The following PREPL variants were observed in gnomAD, a reference collection of about 807,000 sequenced individuals.
PREPL encodes the protein prolyl endopeptidase like, also known as prolyl endopeptidase-like.
A neutral mutation model predicts 70.6 loss-of-function variants in PREPL; 77 were observed. The observed-to-expected ratio is 1.09, with a 90% CI of 0.91 to 1.32. PREPL has a LOEUF of 1.32. Among genes scored for constraint, PREPL ranks in the 40% most tolerant of loss-of-function variants. PREPL has a pLI of 0.00. For missense variants in PREPL, 1,002 were observed against 778.2 expected, an observed-to-expected ratio of 1.29 and a Z score of -3.42; for synonymous variants, 315 against 264.8, an observed-to-expected ratio of 1.19 and a Z score of -1.84.
chr2:44,353,239 G>A (rs939242377), intron 1 of PREPL, among the ~76,000 whole-genome samples: 1 of 151,966 alleles, frequency 6.6e-6, no homozygotes, highest in Non-Finnish European at 1.5e-5. Context: ...AGGCTCTGTG[G>A]CTTTAGTTTC....
chr2:44,322,362 G>A (rs1673058408), intron 12 of PREPL, among the ~76,000 whole-genome samples: 1 of 152,124 alleles, frequency 6.6e-6, no homozygotes, highest in Admixed American at 6.6e-5. Flanking sequence ...GGCACTGATG[G>A]CCCAAAACAA....
At chr2:44,342,276 C>A in intron 5 of PREPL, 141 bp downstream of exon 5, 1 of 686,100 alleles carries the variant, frequency 1.5e-6, no homozygotes, top group East Asian at 2.8e-5. Context: ...TGAATACAAA[C>A]AACTAATAAA....
chr2:44,325,323 C>G (rs1178985599), intron 10 of PREPL, among the ~76,000 whole-genome samples: 2 of 152,202 alleles, frequency 1.3e-5, no homozygotes, highest in African/African-American at 4.8e-5. Flanking sequence ...ATATCCAGCT[C>G]TAGAAGTTGC....
In PREPL at chr2:44,319,320, A is replaced by G. The variant is rs1414762850; in HGVS notation, c.*2036T>C. 2 of 152,658 alleles carry G rather than the reference A, an allele frequency of 1.3e-5. No homozygotes were observed. Among genetic ancestry groups the G allele is most frequent in the African/African-American group, 4.8e-5 (2 of 41,472 alleles). The allele number at this position is 152,658 out of a possible 1,614,324, so 9.5% of individuals were successfully genotyped here. ...TATGAAGAATAATTTGGCATTATGT[A>G]TCAAGTGCCCATACTCTTTGACAAA... On this transcript the variant is annotated 3_prime_UTR_variant, in exon 14 of 14. Transcript: ENST00000409411.
At chr2:44,327,446 C>T (rs778435278) in intron 9 of PREPL, among the ~76,000 whole-genome samples, 2 of 152,058 alleles carry the variant, frequency 1.3e-5, no homozygotes, top group Non-Finnish European at 2.9e-5. Flanking sequence ...GGAGATGATG[C>T]CTAAACTGAG....
In PREPL at chr2:44,332,497, T is replaced by C; in HGVS notation, c.1048A>G (p.Lys350Glu). ...EETGHEDPIT[K>E]TSRVLRLEAK... ...TCTAGACGTAAAACGCGACTAGTCT[T>C]TGTGATTGGGTCTTCATGCCCAGTT... The change falls in exon 8 of 14, where the codon AAG becomes GAG. Residue 350 changes from lysine (K) to glutamate (E), a missense_variant. Coordinates refer to ENST00000409411, the MANE Select transcript of PREPL (RefSeq NM_001171613.2). 3.1e-6 allele frequency: 5 copies of C among 1,614,088 alleles called. No homozygotes were observed. Among genetic ancestry groups the C allele is most frequent in the Non-Finnish European group, 4.2e-6 (5 of 1,179,994 alleles).
chr2:44,353,155 TA>T (rs1676630881), intron 1 of PREPL, among the ~76,000 whole-genome samples: 1 of 152,140 alleles, frequency 6.6e-6, no homozygotes, highest in South Asian at 2.1e-4. Flanking sequence ...TACAAGATAT[TA>T]AAAAAGAAAG....
chr2:44,336,214 G>A (rs1462546316), intron 7 of PREPL, among the ~76,000 whole-genome samples: 1 of 152,104 alleles, frequency 6.6e-6, no homozygotes, highest in Non-Finnish European at 1.5e-5. Flanking sequence ...ATAACCAAAG[G>A]AATACAAATC....
At chr2:44,321,736 T>G in intron 13 of PREPL, 91 bp downstream of exon 13, 1 of 1,608,982 alleles carries the variant, frequency 6.2e-7, no homozygotes, top group Non-Finnish European at 8.5e-7. Flanking sequence ...TGAAGTGGCT[T>G]TGTCATAAAC....
intron 6 of PREPL, 91 bp downstream of exon 6, chr2:44,339,056 A>G (rs1225898972): frequency 2.0e-6 from 3 of 1,531,332 alleles, no homozygotes; most frequent in Non-Finnish European, 2.6e-6. Flanking sequence ...TCAATTTATA[A>G]AACAATGAGC....
chr2:44,355,671 T>C (rs934388073), intron 1 of PREPL, among the ~76,000 whole-genome samples: 1 of 151,898 alleles, frequency 6.6e-6, no homozygotes, highest in African/African-American at 2.4e-5. Flanking sequence ...CAAATCTGAT[T>C]GCGCCTACAT....
intron 8 of PREPL, 54 bp from the exon 9 acceptor site, chr2:44,329,166 T>C (rs1242530911): frequency 7.1e-7 from 1 of 1,408,030 alleles, no homozygotes; most frequent in Non-Finnish European, 9.8e-7. Context: ...TAATAACTGT[T>C]TTATCCCAAT....
rs566111117 is a variant in PREPL at position 44,333,811 on chromosome 2, A to C, written c.889-1155T>G. On this transcript the variant is annotated intron_variant, in intron 7 of 13. Transcript: ENST00000409411. The stretch of plus-strand genomic sequence containing the variant: ...TGAGAAATCTGGTAGCATAGTTATA[A>C]GCAAGCAAACTGAGACTTGAGAGGG... Among the ~76,000 whole-genome samples the C allele has an allele frequency of 2.2e-4, 33 of 152,206 alleles. 1 individual carries two copies. Among genetic ancestry groups the C allele is most frequent in the Non-Finnish European group, 4.1e-4 (28 of 68,032 alleles).
At position 44,321,187 on chromosome 2, in the gene PREPL, G is replaced by T. The variant is rs1037318150; in HGVS notation, c.*169C>A. On this transcript the variant is annotated 3_prime_UTR_variant, in exon 14 of 14. Coordinates refer to ENST00000409411, the MANE Select transcript of PREPL (RefSeq NM_001171613.2). ...GGCATGTGCATCAATGGAGAGAATA[G>T]TATAAGCAAGTGAGATGTAGACTAA... The T allele has an allele frequency of 4.8e-6, 3 of 621,776 alleles. No homozygotes were observed. Among genetic ancestry groups the T allele is most frequent in the Non-Finnish European group, 8.6e-6 (3 of 350,840 alleles). 38.5% of individuals were successfully genotyped at this position (621,776 alleles called of 1,614,324 possible). A position where few individuals can be genotyped will look rare whatever the true frequency, so the allele number is the denominator to read the frequency against.
At chr2:44,343,715 C>T in intron 4 of PREPL, 30 bp downstream of exon 4, 1 of 1,579,374 alleles carries the variant, frequency 6.3e-7, no homozygotes, top group South Asian at 1.1e-5. Flanking sequence ...TGCCTTTCAA[C>T]ACAGAGGACT....
intron 1 of PREPL, among the ~76,000 whole-genome samples, chr2:44,358,742 G>GT (rs1239173897): frequency 6.6e-6 from 1 of 152,178 alleles, no homozygotes; most frequent in East Asian, 1.9e-4. Flanking sequence ...ACAGCTTGGG[G>GT]TCTGGCAGAA....
chr2:44,325,078 T>C (rs1208470308), intron 10 of PREPL, among the ~76,000 whole-genome samples: 1 of 152,288 alleles, frequency 6.6e-6, no homozygotes, highest in East Asian at 1.9e-4. Context: ...ATATGAACTT[T>C]TTTGCATTTG....
At chr2:44,349,301 G>A (rs1676154231) in intron 1 of PREPL, among the ~76,000 whole-genome samples, 2 of 152,128 alleles carry the variant, frequency 1.3e-5, no homozygotes, top group Admixed American at 6.6e-5. Context: ...TACATGGTAG[G>A]TTTGGGAAAT....
At position 44,343,769 on chromosome 2, in the gene PREPL, A is replaced by C; in HGVS notation, c.325T>G (p.Ser109Ala). The C allele has an allele frequency of 6.2e-7, 1 of 1,613,900 alleles. No individual in the cohort carries two copies. Residue 109 changes from serine (S) to alanine (A), a missense_variant, in exon 4 of 14, where the codon TCT becomes GCT. Physicochemically the swap from Ser to Ala is moderately conservative, Grantham distance 99 (BLOSUM62 1). Coordinates refer to ENST00000409411, the MANE Select transcript of PREPL (RefSeq NM_001171613.2). ...CCAAAACTGGACACATTCGGGAAAG[A>C]AGCTTCCATTACGGGCTGATCGCTG... ...KLSDQPVMEA[S>A]FPNVSSFEWV... is the part of the protein sequence containing the mutation.
Sources: gnomAD v4.1 joint callset for allele counts (sites outside exome capture counted in the v4.1 genomes callset) on GRCh38, gnomAD v4.1.1 for gene constraint, MANE v1.5 for transcripts, NCBI Gene and HGNC (gene_info 2026-07-23, HGNC 2026-07-21) for gene names.